HYCC2: variants seen among roughly 807,000 people sequenced by gnomAD.
The protein encoded by HYCC2 is hyccin 2.
At chr2:201,011,394 C>A in the HYCC2 span, 1 of 1,531,312 alleles carries the variant, frequency 6.5e-7, no homozygotes, top group South Asian at 1.2e-5. Flanking sequence ...TTACTTACTT[C>A]ATGGTATATT....
At chr2:201,043,499 ATTTTCTTT>A in the HYCC2 span, among the ~76,000 whole-genome samples, 1 of 147,974 alleles carries the variant, frequency 6.8e-6, no homozygotes, top group East Asian at 2.0e-4. Flanking sequence ...GTAAACATAT[ATTTTCTTT>A]TTTTCTTTTT....
chr2:200,980,943 C>T, the HYCC2 span: 6 of 321,512 alleles, frequency 1.9e-5, no homozygotes, highest in South Asian at 2.2e-4. Flanking sequence ...CTCTAATGTA[C>T]CCTCAGTCTC....
the HYCC2 span, among the ~76,000 whole-genome samples, chr2:201,019,636 T>C: frequency 6.6e-6 from 1 of 151,832 alleles, no homozygotes; most frequent in East Asian, 1.9e-4. Context: ...ACCTGGGTAG[T>C]CCCAGCTATT....
the HYCC2 span, among the ~76,000 whole-genome samples, chr2:200,982,911 C>G: frequency 6.6e-6 from 1 of 152,122 alleles, no homozygotes; most frequent in African/African-American, 2.4e-5. Flanking sequence ...GCGTGTGTCA[C>G]CACGCCCAGC....
the HYCC2 span, among the ~76,000 whole-genome samples, chr2:201,006,946 T>C: frequency 2.0e-5 from 3 of 152,156 alleles, no homozygotes; most frequent in Admixed American, 2.0e-4. Flanking sequence ...TACCACAAGG[T>C]AGATAAAGAA....
At chr2:201,017,022 A>G in the HYCC2 span, 10 of 1,613,754 alleles carry the variant, frequency 6.2e-6, no homozygotes, top group Admixed American at 3.3e-5. Context: ...AAGTGCTTCA[A>G]TGCAACCATT....
the HYCC2 span, among the ~76,000 whole-genome samples, chr2:201,052,688 AGT>A: frequency 2.0e-5 from 3 of 152,336 alleles, no homozygotes; most frequent in African/African-American, 7.2e-5. Context: ...AGAACAATGA[AGT>A]TGCCTCAACT....
the HYCC2 span, among the ~76,000 whole-genome samples, chr2:200,994,558 C>T: frequency 6.6e-6 from 1 of 152,150 alleles, no homozygotes; most frequent in African/African-American, 2.4e-5. Flanking sequence ...TCATTTCTAC[C>T]TATTTAAGAT....
At chr2:201,033,159 ATGTGTG>A in the HYCC2 span, among the ~76,000 whole-genome samples, 163 of 117,928 alleles carry the variant, frequency 1.4e-3, 1 homozygote, top group South Asian at 2.4e-3. Flanking sequence ...ATGTGTGTGT[ATGTGTG>A]TGTGTGTGTG....
chr2:201,008,754 C>T, the HYCC2 span, among the ~76,000 whole-genome samples: 1 of 151,986 alleles, frequency 6.6e-6, no homozygotes, highest in African/African-American at 2.4e-5. Flanking sequence ...AAAAATTGGC[C>T]AGGCATGGTG....
At chr2:201,033,190 T>TGAGAGAGAGAGA in the HYCC2 span, among the ~76,000 whole-genome samples, 3 of 142,220 alleles carry the variant, frequency 2.1e-5, no homozygotes, top group African/African-American at 8.2e-5. Context: ...TGTGTGTGTG[T>TGAGAGAGAGAGA]GTGTGTGAGA....
the HYCC2 span, among the ~76,000 whole-genome samples, chr2:201,026,055 G>A: frequency 1.3e-5 from 2 of 152,146 alleles, no homozygotes; most frequent in Admixed American, 1.3e-4. Context: ...TAAGTATGCT[G>A]TATTCAGGAG....
At chr2:201,023,782 A>G in the HYCC2 span, 1 of 521,730 alleles carries the variant, frequency 1.9e-6, no homozygotes, top group African/African-American at 1.9e-5. Context: ...TATTAGTACC[A>G]TTTTTAAGAA....
chr2:201,056,250 T>A, the HYCC2 span, among the ~76,000 whole-genome samples: 1 of 152,186 alleles, frequency 6.6e-6, no homozygotes, highest in African/African-American at 2.4e-5. Context: ...GTGGAACTCT[T>A]TAAATTCTAG....
chr2:201,033,560 C>T, the HYCC2 span, among the ~76,000 whole-genome samples: 18 of 151,924 alleles, frequency 1.2e-4, no homozygotes, highest in African/African-American at 3.9e-4. Flanking sequence ...CCCGCCACCA[C>T]GCCCGGCTAA....
the HYCC2 span, among the ~76,000 whole-genome samples, chr2:201,008,580 A>C: frequency 6.6e-6 from 1 of 152,002 alleles, no homozygotes; most frequent in Non-Finnish European, 1.5e-5. Context: ...AGGCAACATA[A>C]CTAGACTCTG....
At chr2:201,012,682 C>T in the HYCC2 span, among the ~76,000 whole-genome samples, 6 of 151,968 alleles carry the variant, frequency 3.9e-5, no homozygotes, top group Non-Finnish European at 5.9e-5. Context: ...TGGTGGCTCA[C>T]GCCTGTAATC....
At chr2:200,982,349 C>T in the HYCC2 span, among the ~76,000 whole-genome samples, 1 of 151,972 alleles carries the variant, frequency 6.6e-6, no homozygotes, top group East Asian at 1.9e-4. Flanking sequence ...TTTATGCTTA[C>T]AGGCCAAACT....
the HYCC2 span, chr2:201,066,824 T>C: frequency 1.9e-5 from 3 of 154,316 alleles, no homozygotes; most frequent in African/African-American, 2.4e-5. Flanking sequence ...ATCAAACACA[T>C]ACACAAAAAA....
Sources: allele counts gnomAD v4.1 joint callset (sites outside exome capture counted in the v4.1 genomes callset), GRCh38; gene constraint gnomAD v4.1.1; transcripts MANE v1.5; gene names NCBI Gene and HGNC (gene_info 2026-07-23, HGNC 2026-07-21).